Variants in FTO observed in about 807,000 individuals in gnomAD.
FTO encodes the protein alpha-ketoglutarate-dependent dioxygenase FTO.
FTO carries 47 observed loss-of-function variants against 63.9 expected under a neutral mutation model. The ratio of observed to expected loss-of-function variants is 0.74; its 90% CI spans 0.58 to 0.94. The LOEUF (loss-of-function observed/expected upper bound fraction) is 0.94. FTO is among the 40% of genes least tolerant of loss of function. The pLI, the probability that FTO is intolerant of heterozygous loss-of-function variation, is 0.00. For synonymous variants in FTO, 207 were observed against 224.4 expected (o/e 0.92, Z 0.69); for missense variants, 562 against 618.1 (o/e 0.91, Z 0.96).
intron 8 of FTO, among the ~76,000 whole-genome samples, chr16:54,093,049 C>T (rs2086430333): frequency 1.3e-5 from 2 of 151,964 alleles, no homozygotes; most frequent in Admixed American, 1.3e-4. Context: ...TAATGGTAGA[C>T]TTCCTGGCAT....
chr16:53,808,793 G>T (rs1048592527), intron 1 of FTO, among the ~76,000 whole-genome samples: 11 of 152,360 alleles, frequency 7.2e-5, no homozygotes, highest in African/African-American at 2.6e-4. Flanking sequence ...CCAGAGCAAA[G>T]TGTACCGTTA....
chr16:53,711,442 C>G (rs2075774916), intron 1 of FTO: 2 of 398,448 alleles, frequency 5.0e-6, no homozygotes, highest in Non-Finnish European at 8.8e-6. Context: ...AACTGGCTGG[C>G]TGTCCATGGA....
intron 8 of FTO, chr16:54,039,595 G>A (rs2085024193): frequency 2.0e-5 from 3 of 152,216 alleles, no homozygotes; most frequent in African/African-American, 7.2e-5. Context: ...AGACAGTGAA[G>A]AACTAGAAAG....
chr16:54,034,906 T>G (rs542717755), intron 8 of FTO, among the ~76,000 whole-genome samples: 1 of 152,314 alleles, frequency 6.6e-6, no homozygotes, highest in African/African-American at 2.4e-5. Flanking sequence ...GCACATTGAG[T>G]CACTAGCAAA....
At chr16:54,030,592 T>A (rs1450855565) in intron 8 of FTO, among the ~76,000 whole-genome samples, 1 of 152,126 alleles carries the variant, frequency 6.6e-6, no homozygotes, top group Non-Finnish European at 1.5e-5. Flanking sequence ...TGATATGCAA[T>A]GTAGACTACA....
intron 1 of FTO, among the ~76,000 whole-genome samples, chr16:53,756,085 TCCC>T (rs1237698550): frequency 2.0e-5 from 3 of 152,210 alleles, no homozygotes; most frequent in African/African-American, 7.2e-5. Context: ...CAGGTTCCTT[TCCC>T]CTTCTTTCAA....
At chr16:54,023,996 C>A (rs939946749) in intron 8 of FTO, among the ~76,000 whole-genome samples, 1 of 151,982 alleles carries the variant, frequency 6.6e-6, no homozygotes, top group African/African-American at 2.4e-5. Flanking sequence ...ACTGATAATG[C>A]GTTGTTTATA....
intron 8 of FTO, chr16:54,072,489 C>G (rs1256725376): frequency 6.6e-6 from 1 of 152,202 alleles, no homozygotes; most frequent in Non-Finnish European, 1.5e-5. Context: ...AAGGGGTGGC[C>G]AAGCATAAAG....
At chr16:53,945,823 T>C (rs1219572672) in intron 8 of FTO, among the ~76,000 whole-genome samples, 1 of 152,150 alleles carries the variant, frequency 6.6e-6, no homozygotes, top group African/African-American at 2.4e-5. Flanking sequence ...TCAAGTAATT[T>C]TGGGGCTGCG....
At chr16:53,896,279 T>C (rs1439189794) in intron 7 of FTO, among the ~76,000 whole-genome samples, 2 of 151,732 alleles carry the variant, frequency 1.3e-5, no homozygotes, top group African/African-American at 2.4e-5. Context: ...GGAAAAGATA[T>C]AACATAAAAC....
chr16:53,925,570 C>T lies in FTO; in HGVS notation c.1240-8415C>T, dbSNP rs544022429. On this transcript the variant is annotated intron_variant, in intron 7 of 8. Coordinates refer to ENST00000471389, the MANE Select transcript of FTO (RefSeq NM_001080432.3). ...AGACAACATTCTTTGATTTGTAAGACGGAGAGATTAAGTCTGAGTTTTGGG... is the reference window on the plus strand; with the variant it reads ...AGACAACATTCTTTGATTTGTAAGATGGAGAGATTAAGTCTGAGTTTTGGG... 2.2e-3 allele frequency among the ~76,000 whole-genome samples: 337 copies of T among 151,974 alleles called. 1 individual carries two copies. Among genetic ancestry groups the T allele is most frequent in the Non-Finnish European group, 3.9e-3 (267 of 67,992 alleles).
intron 1 of FTO, among the ~76,000 whole-genome samples, chr16:53,743,428 T>C (rs2076573878): frequency 6.6e-6 from 1 of 151,680 alleles, no homozygotes; most frequent in Admixed American, 6.6e-5. Flanking sequence ...TACCTTTTCA[T>C]CCTTTACTTT....
At chr16:53,970,749 A>T (rs1014654986) in intron 8 of FTO, among the ~76,000 whole-genome samples, 6 of 152,160 alleles carry the variant, frequency 3.9e-5, no homozygotes, top group Non-Finnish European at 7.4e-5. Context: ...TTGCAAGACT[A>T]GATTTTTCGG....
chr16:53,962,199 T>C (rs959234724), intron 8 of FTO, among the ~76,000 whole-genome samples: 1 of 152,222 alleles, frequency 6.6e-6, no homozygotes, highest in African/African-American at 2.4e-5. Context: ...ACAGCATTCA[T>C]TTGTATGCTT....
In FTO at chr16:53,831,807, C is replaced by T. The variant is rs772924734; in HGVS notation, c.751+5316C>T. 3.3e-5 allele frequency among the ~76,000 whole-genome samples: 5 copies of T among 152,074 alleles called. No homozygotes were observed. In the East Asian group the frequency reaches 5.8e-4, roughly 18 times the overall value. On this transcript the variant is annotated intron_variant, in intron 3 of 8. Coordinates refer to ENST00000471389, the MANE Select transcript of FTO (RefSeq NM_001080432.3). ...GGAGCACATAGGCGGGAAGATAGAA[C>T]ATGATTGGGATGTTTCAGAAGCAAC...
At chr16:53,718,950 A>G (rs2075962371) in intron 1 of FTO, among the ~76,000 whole-genome samples, 1 of 152,174 alleles carries the variant, frequency 6.6e-6, no homozygotes, top group African/African-American at 2.4e-5. Flanking sequence ...AGAATCTTTG[A>G]ATGGGGCATA....
rs1282396852 is a variant in FTO at position 53,826,310 on chromosome 16, A to C, written c.570A>C (p.Glu190Asp). Residue 190 changes from glutamate (E) to aspartate (D), a missense_variant, in exon 3 of 9, where the codon GAA becomes GAC. By Grantham distance (45) the Glu-to-Asp change is conservative. Coordinates refer to ENST00000471389, the MANE Select transcript of FTO (RefSeq NM_001080432.3). The part of the protein sequence containing the change: ...GMGSSYNGQD[E>D]VDIKSRAAYN... ...GTTCATCCTACAACGGACAAGATGAAGTGGACATTAAGAGCAGAGCAGCAT... is the reference window on the plus strand; with the variant it reads ...GTTCATCCTACAACGGACAAGATGACGTGGACATTAAGAGCAGAGCAGCAT... 6.2e-6 allele frequency: 10 copies of C among 1,614,190 alleles called. No homozygotes were observed. The highest frequency in any genetic ancestry group is 8.5e-6 in the Non-Finnish European group (10 of 1,180,028).
intron 1 of FTO, among the ~76,000 whole-genome samples, chr16:53,732,602 C>T (rs1173168591): frequency 6.6e-6 from 1 of 152,138 alleles, no homozygotes; most frequent in Middle Eastern, 3.2e-3. Flanking sequence ...TATTAGCAGT[C>T]GTGTCAACAT....
intron 1 of FTO, among the ~76,000 whole-genome samples, chr16:53,796,479 A>G (rs2078074975): frequency 1.3e-5 from 2 of 152,232 alleles, no homozygotes; most frequent in East Asian, 3.9e-4. Context: ...ACTCTGGAGA[A>G]TGATGAGAAT....
Sources: allele counts gnomAD v4.1 joint callset (sites outside exome capture counted in the v4.1 genomes callset), GRCh38; gene constraint gnomAD v4.1.1; transcripts MANE v1.5; gene names NCBI Gene and HGNC (gene_info 2026-07-23, HGNC 2026-07-21).